Variants in CHD6 observed in about 807,000 individuals in gnomAD.
CHD6 encodes chromodomain helicase DNA binding protein 6, also known as ATP-dependent chromatin remodeler CHD6.
A neutral mutation model predicts 276.9 loss-of-function variants in CHD6; 50 were observed. That is an observed-to-expected ratio of 0.18 (90% confidence interval 0.14 to 0.23). The LOEUF is 0.23. Among genes scored for constraint, CHD6 ranks in the 10% least tolerant of loss-of-function variants. The pLI is 1.00. For synonymous variants in CHD6, 1,173 were observed against 1,229.3 expected, an observed-to-expected ratio of 0.95 and a Z score of 0.96; for missense variants, 2,564 against 3,365.8, an observed-to-expected ratio of 0.76 and a Z score of 5.89.
intron 16 of CHD6, among the ~76,000 whole-genome samples, chr20:41,475,389 C>A (rs1211977964): frequency 6.6e-6 from 1 of 152,198 alleles, no homozygotes; most frequent in Non-Finnish European, 1.5e-5. Flanking sequence ...CACACTGTAC[C>A]TTACATTTCA....
intron 1 of CHD6, among the ~76,000 whole-genome samples, chr20:41,579,437 C>CAAAAAAAAAAAA (rs574347177): frequency 0.1 from 7,019 of 68,550 alleles, 561 homozygotes; most frequent in African/African-American, 0.14. Context: ...GACTCTGTCT[C>CAAAAAAAAAAAA]AAAAAAAAAA....
intron 23 of CHD6, among the ~76,000 whole-genome samples, chr20:41,448,743 C>A (rs1277044955): frequency 6.6e-6 from 1 of 152,166 alleles, no homozygotes; most frequent in African/African-American, 2.4e-5. Flanking sequence ...GAGAAAGCAT[C>A]ATTTCTACCT....
At position 41,415,570 on chromosome 20, in the gene CHD6, C is replaced by T. The variant is rs762620699; in HGVS notation, c.6555G>A (p.Val2185=). 1.2e-6 allele frequency: 2 copies of T among 1,613,776 alleles called. No homozygotes were observed. Among genetic ancestry groups the T allele is most frequent in the South Asian group, 1.1e-5 (1 of 91,038 alleles). ...QKHRRPYEFE[V]ERDAKARGLE... ...GGCCCCGAGCCTTTGCATCCCTCTC[C>T]ACCTCAAACTCATAGGGACGCCTGT... The change falls in exon 34 of 37, where the codon GTG becomes GTA. Residue 2185 remains valine (V), a synonymous_variant. Transcript: ENST00000373233.
chr20:41,483,200 C>G (rs2043334225), intron 16 of CHD6, 109 bp downstream of exon 16: 1 of 936,938 alleles, frequency 1.1e-6, no homozygotes, highest in Non-Finnish European at 1.6e-6. Flanking sequence ...TTCCTTTCCT[C>G]CGTTTTTGAA....
chr20:41,584,582 AAC>A (rs1000561578), intron 1 of CHD6, among the ~76,000 whole-genome samples: 4 of 152,184 alleles, frequency 2.6e-5, no homozygotes, highest in African/African-American at 9.7e-5. Flanking sequence ...TTGGCCATAA[AAC>A]AAACCTCAAC....
chr20:41,472,480 C>T (rs1417019370), intron 17 of CHD6, among the ~76,000 whole-genome samples: 1 of 152,078 alleles, frequency 6.6e-6, no homozygotes, highest in African/African-American at 2.4e-5. Flanking sequence ...CACCACATAC[C>T]CATAATCCTA....
intron 3 of CHD6, among the ~76,000 whole-genome samples, chr20:41,531,349 T>TA (rs1006491851): frequency 6.6e-6 from 1 of 151,956 alleles, no homozygotes; most frequent in Non-Finnish European, 1.5e-5. Context: ...GTAATAATAA[T>TA]AAAAAAAAGT....
chr20:41,437,120 T>C (rs983718513), intron 27 of CHD6, 154 bp downstream of exon 27: 1 of 575,046 alleles, frequency 1.7e-6, no homozygotes, highest in African/African-American at 1.9e-5. Context: ...GCAATTGCAG[T>C]CTGTGTATTT....
chr20:41,528,191 T>C (rs796325922), intron 3 of CHD6, among the ~76,000 whole-genome samples: 41 of 152,300 alleles, frequency 2.7e-4, no homozygotes, highest in African/African-American at 9.6e-4. Flanking sequence ...GGCCAAAACA[T>C]TATATTCAAT....
intron 1 of CHD6, among the ~76,000 whole-genome samples, chr20:41,613,854 G>A (rs2045911490): frequency 6.6e-6 from 1 of 152,026 alleles, no homozygotes; most frequent in Admixed American, 6.5e-5. Context: ...TACTATTTTG[G>A]GGCGTTCACA....
At chr20:41,507,689 C>T (rs1244192910) in intron 5 of CHD6, among the ~76,000 whole-genome samples, 2 of 152,120 alleles carry the variant, frequency 1.3e-5, no homozygotes, top group African/African-American at 4.8e-5. Context: ...ACCATCTGTT[C>T]TCAACTGCTT....
At chr20:41,525,270 C>T (rs1301632288) in intron 3 of CHD6, among the ~76,000 whole-genome samples, 1 of 152,196 alleles carries the variant, frequency 6.6e-6, no homozygotes, top group African/African-American at 2.4e-5. Flanking sequence ...GCCCTAGCCC[C>T]TTCCCCAGGG....
chr20:41,534,435 G>C (rs2044774334), intron 2 of CHD6, among the ~76,000 whole-genome samples: 1 of 152,132 alleles, frequency 6.6e-6, no homozygotes, highest in Non-Finnish European at 1.5e-5. Flanking sequence ...AGACTTCCTG[G>C]CCCACCCTGG....
intron 30 of CHD6, among the ~76,000 whole-genome samples, 191 bp downstream of exon 30, chr20:41,423,301 T>C (rs1030108068): frequency 6.6e-6 from 1 of 152,242 alleles, no homozygotes; most frequent in Non-Finnish European, 1.5e-5. Flanking sequence ...TTACATCATT[T>C]TGGGAGAGAG....
intron 17 of CHD6, among the ~76,000 whole-genome samples, chr20:41,471,203 GT>G (rs1428986458): frequency 2.0e-5 from 3 of 152,240 alleles, no homozygotes; most frequent in Non-Finnish European, 4.4e-5. Flanking sequence ...ACAAACGGGT[GT>G]GATTATATTC....
chr20:41,512,788 T>C (rs2145964338), intron 5 of CHD6, 58 bp downstream of exon 5: 7 of 1,597,100 alleles, frequency 4.4e-6, no homozygotes, highest in Non-Finnish European at 6.0e-6. Flanking sequence ...AACACGTCTG[T>C]CATCTAGGTC....
intron 3 of CHD6, among the ~76,000 whole-genome samples, chr20:41,529,982 A>C (rs981837955): frequency 2.0e-5 from 3 of 152,210 alleles, no homozygotes; most frequent in Non-Finnish European, 4.4e-5. Flanking sequence ...ACCCTTCTTC[A>C]AACTTATCTC....
At chr20:41,502,121 T>C (rs1242398356) in intron 5 of CHD6, among the ~76,000 whole-genome samples, 5 of 152,230 alleles carry the variant, frequency 3.3e-5, no homozygotes, top group East Asian at 1.9e-4. Context: ...AGAAATTCTA[T>C]ATAATCCATT....
At chr20:41,455,713 A>G in intron 19 of CHD6, 87 bp downstream of exon 19, 1 of 858,344 alleles carries the variant, frequency 1.2e-6, no homozygotes, top group East Asian at 2.7e-5. Context: ...GCATTCAGAG[A>G]AACAGAAGCC....
Sources: gnomAD v4.1 joint callset for allele counts (sites outside exome capture counted in the v4.1 genomes callset) on GRCh38, gnomAD v4.1.1 for gene constraint, MANE v1.5 for transcripts, NCBI Gene and HGNC (gene_info 2026-07-23, HGNC 2026-07-21) for gene names.